Variants in PCBP2 observed in about 807,000 individuals in gnomAD.
The protein encoded by PCBP2 is poly(rC) binding protein 2.
A neutral mutation model predicts 50.1 loss-of-function variants in PCBP2; 4 were observed. That is an observed-to-expected ratio of 0.08 (90% CI 0.04 to 0.18). PCBP2 has a LOEUF of 0.18. Among genes scored for constraint, PCBP2 ranks in the 10% least tolerant of loss-of-function variants. The pLI is 1.00. For missense variants in PCBP2, 161 were observed against 474.3 expected, an observed-to-expected ratio of 0.34 and a Z score of 6.14; for synonymous variants, 179 against 168.0, an observed-to-expected ratio of 1.07 and a Z score of -0.51.
intron 14 of PCBP2, chr12:53,474,766 C>T: frequency 2.9e-6 from 1 of 343,556 alleles, no homozygotes; most frequent in Non-Finnish European, 5.8e-6. Flanking sequence ...ACCAGAGGCA[C>T]TTACTGATAT....
At chr12:53,473,695 C>CA (rs1405840315) in intron 14 of PCBP2, among the ~76,000 whole-genome samples, 1 of 151,822 alleles carries the variant, frequency 6.6e-6, no homozygotes, top group African/African-American at 2.4e-5. Context: ...AACACCAAAG[C>CA]AAAGATTATG....
intron 13 of PCBP2, among the ~76,000 whole-genome samples, chr12:53,469,342 C>G (rs1942041519): frequency 6.6e-6 from 1 of 152,030 alleles, no homozygotes; most frequent in African/African-American, 2.4e-5. Flanking sequence ...TTATAATATA[C>G]AGAATTGTGA....
chr12:53,464,131 G>T (rs1263619109), intron 8 of PCBP2, among the ~76,000 whole-genome samples: 1 of 152,192 alleles, frequency 6.6e-6, no homozygotes, highest in Non-Finnish European at 1.5e-5. Context: ...TTTAGCCTTA[G>T]GAGTTTTTCT....
At chr12:53,477,413 C>T (rs993107543) in intron 14 of PCBP2, among the ~76,000 whole-genome samples, 14 of 152,056 alleles carry the variant, frequency 9.2e-5, no homozygotes, top group Admixed American at 2.6e-4. Flanking sequence ...CGCCTGTAAT[C>T]CCAGCACTTT....
chr12:53,459,491 T>TG lies in PCBP2; in HGVS notation c.375+89dup. 12 of 1,210,398 alleles carry TG rather than the reference T, an allele frequency of 9.9e-6. No homozygotes were observed. In the South Asian group the frequency reaches 1.7e-4, roughly 17 times the overall value. 75.0% of individuals were successfully genotyped at this position (1,210,398 alleles called of 1,614,324 possible). ...TGGCTAGGAAAAGTTAGCAATGAGA[T>TG]GAAGATTTTTATTGAAGTAACAGTT... On this transcript the variant is annotated intron_variant, in intron 6 of 14. Transcript: ENST00000546463.
intron 5 of PCBP2, among the ~76,000 whole-genome samples, chr12:53,458,513 G>C (rs1941212056): frequency 2.0e-5 from 3 of 151,744 alleles, no homozygotes; most frequent in Admixed American, 1.3e-4. Flanking sequence ...CACCATGTTG[G>C]CCAGGCTGGT....
At chr12:53,461,829 TC>T (rs1398980655) in intron 7 of PCBP2, among the ~76,000 whole-genome samples, 1 of 152,124 alleles carries the variant, frequency 6.6e-6, no homozygotes, top group Non-Finnish European at 1.5e-5. Context: ...CTCACCTGTC[TC>T]CCCAGTAGCT....
At chr12:53,471,922 A>T in intron 14 of PCBP2, 115 bp downstream of exon 14, 2 of 673,046 alleles carry the variant, frequency 3.0e-6, no homozygotes, top group Non-Finnish European at 4.3e-6. Flanking sequence ...GATGGCCAAA[A>T]GGTTTTTTTT....
At chr12:53,468,513 T>TCCATCCC in intron 12 of PCBP2, 1 of 496,576 alleles carries the variant, frequency 2.0e-6, no homozygotes, top group Non-Finnish European at 3.6e-6. Context: ...TGCCCTTGCT[T>TCCATCCC]CCATCCCCCA....
intron 1 of PCBP2, 187 bp from the exon 2 acceptor site, chr12:53,454,539 C>A (rs932505450): frequency 6.4e-6 from 3 of 467,768 alleles, no homozygotes; most frequent in African/African-American, 6.0e-5. Context: ...AAGTTGCCTT[C>A]TATACTGTGT....
intron 11 of PCBP2, chr12:53,467,507 C>G (rs1424989618): frequency 3.2e-6 from 2 of 630,696 alleles, no homozygotes; most frequent in Admixed American, 5.5e-5. Flanking sequence ...AAAAAAAAGC[C>G]CTGGAAGGTT....
intron 13 of PCBP2, among the ~76,000 whole-genome samples, chr12:53,470,228 A>G (rs12828029): frequency 0.12 from 17,810 of 151,654 alleles, 1,222 homozygotes; most frequent in Non-Finnish European, 0.16. Flanking sequence ...AAATACAAAA[A>G]TTAGCCAGGT....
At chr12:53,469,804 C>T (rs989146928) in intron 13 of PCBP2, among the ~76,000 whole-genome samples, 1 of 143,390 alleles carries the variant, frequency 7.0e-6, no homozygotes, top group Non-Finnish European at 1.5e-5. Context: ...CTCTGTTTCC[C>T]AGGCTTGGCT....
chr12:53,478,629 C>T (rs954086368), intron 14 of PCBP2, among the ~76,000 whole-genome samples: 5 of 152,126 alleles, frequency 3.3e-5, no homozygotes, highest in African/African-American at 1.2e-4. Context: ...CCTGTTGAAG[C>T]CCCGTCTCTA....
At chr12:53,457,364 TTTTA>T (rs1404422319) in intron 5 of PCBP2, among the ~76,000 whole-genome samples, 2 of 151,092 alleles carry the variant, frequency 1.3e-5, no homozygotes, top group Non-Finnish European at 3.0e-5. Flanking sequence ...GAATTTATTT[TTTTA>T]TTTTTTTATT....
At chr12:53,474,994 C>T (rs1306475201) in intron 14 of PCBP2, 3 of 456,588 alleles carry the variant, frequency 6.6e-6, no homozygotes, top group Non-Finnish European at 1.3e-5. Flanking sequence ...CCCTCGCTCG[C>T]CACAGCGGGG....
At chr12:53,468,606 T>C in intron 12 of PCBP2, 171 bp from the exon 13 acceptor site, 1 of 612,934 alleles carries the variant, frequency 1.6e-6, no homozygotes, top group Middle Eastern at 2.6e-4. Flanking sequence ...GCATTATTTC[T>C]ACACCCTTCT....
At chr12:53,455,645 TA>T in intron 4 of PCBP2, 152 bp downstream of exon 4, 2 of 844,644 alleles carry the variant, frequency 2.4e-6, no homozygotes, top group African/African-American at 1.7e-5. Flanking sequence ...CTGGGGAGTG[TA>T]TTTTTTTTTT....
At chr12:53,464,916 C>T in intron 9 of PCBP2, 64 bp downstream of exon 9, 1 of 1,516,068 alleles carries the variant, frequency 6.6e-7, no homozygotes, top group Non-Finnish European at 8.8e-7. Context: ...AGACTGCCAA[C>T]ACACGGGGGG....
Sources: allele counts gnomAD v4.1 joint callset (sites outside exome capture counted in the v4.1 genomes callset), GRCh38; gene constraint gnomAD v4.1.1; transcripts MANE v1.5; gene names NCBI Gene and HGNC (gene_info 2026-07-23, HGNC 2026-07-21).